The following PRKG1 variants were observed in gnomAD, a reference collection of about 807,000 sequenced individuals.
PRKG1 encodes the protein cGMP-dependent protein kinase 1.
A neutral mutation model predicts 88.1 loss-of-function variants in PRKG1; 35 were observed. That is an observed-to-expected ratio of 0.40 (90% CI 0.30 to 0.53). PRKG1 has a LOEUF of 0.53. Among genes scored for constraint, PRKG1 ranks in the 20% least tolerant of loss-of-function variants. PRKG1 has a pLI of 0.59. For missense variants in PRKG1, 540 were observed against 839.8 expected (o/e 0.64, Z 4.41); for synonymous variants, 303 against 292.5 (o/e 1.04, Z -0.37).
intron 4 of PRKG1, among the ~76,000 whole-genome samples, chr10:51,870,943 A>C (rs1387252357): frequency 2.6e-5 from 4 of 152,180 alleles, no homozygotes; most frequent in Admixed American, 2.6e-4. Context: ...TACACTCTTC[A>C]ACCACTTTAC....
At chr10:51,242,395 T>C (rs1839178212) in intron 2 of PRKG1, among the ~76,000 whole-genome samples, 1 of 152,156 alleles carries the variant, frequency 6.6e-6, no homozygotes. Flanking sequence ...AAATAAATAT[T>C]AGATTGGATA....
intron 3 of PRKG1, among the ~76,000 whole-genome samples, chr10:51,521,289 CA>C (rs1341069479): frequency 6.6e-6 from 1 of 151,164 alleles, no homozygotes; most frequent in South Asian, 2.1e-4. Flanking sequence ...GACTCTGTCT[CA>C]AAAAAACAAA....
At chr10:51,214,562 G>T (rs1219545895) in intron 2 of PRKG1, among the ~76,000 whole-genome samples, 1 of 151,984 alleles carries the variant, frequency 6.6e-6, no homozygotes, top group Non-Finnish European at 1.5e-5. Flanking sequence ...GCTCATTGAG[G>T]CCTCTCCTGC....
intron 4 of PRKG1, among the ~76,000 whole-genome samples, chr10:51,877,428 T>G (rs1589381112): frequency 6.6e-6 from 1 of 152,338 alleles, no homozygotes; most frequent in Middle Eastern, 3.4e-3. Flanking sequence ...AGAACTCTTA[T>G]TGCCTTGCTT....
At chr10:51,902,536 G>A (rs1433962493) in intron 4 of PRKG1, among the ~76,000 whole-genome samples, 1 of 151,956 alleles carries the variant, frequency 6.6e-6, no homozygotes, top group African/African-American at 2.4e-5. Flanking sequence ...GAAAAATAAG[G>A]TATCCAAATG....
At chr10:51,079,906 A>G (rs887582675) in intron 1 of PRKG1, among the ~76,000 whole-genome samples, 4 of 152,176 alleles carry the variant, frequency 2.6e-5, no homozygotes, top group Non-Finnish European at 4.4e-5. Flanking sequence ...CTCACTTCCA[A>G]ATGTTCTCAT....
chr10:51,152,625 C>A (rs1846102236), intron 1 of PRKG1, among the ~76,000 whole-genome samples: 1 of 151,830 alleles, frequency 6.6e-6, no homozygotes, highest in Admixed American at 6.6e-5. Flanking sequence ...AAATAAAGAA[C>A]AAATTTAAAA....
chr10:52,052,773 A>G (rs1232532837), intron 5 of PRKG1, among the ~76,000 whole-genome samples: 1 of 152,068 alleles, frequency 6.6e-6, no homozygotes, highest in Non-Finnish European at 1.5e-5. Flanking sequence ...ATTATCTCCC[A>G]CCAGGTCCCT....
intron 12 of PRKG1, among the ~76,000 whole-genome samples, chr10:52,274,105 G>C (rs189462675): frequency 1.1e-3 from 172 of 152,046 alleles, no homozygotes; most frequent in African/African-American, 3.9e-3. Flanking sequence ...GGAGAGCCCA[G>C]CTATCCCTCT....
At chr10:52,135,395 G>A (rs7894131) in intron 8 of PRKG1, among the ~76,000 whole-genome samples, 4,163 of 152,174 alleles carry the variant, frequency 0.027, 182 homozygotes, top group African/African-American at 0.094. Context: ...GATAAGGGCA[G>A]TTCAGACCAT....
chr10:51,957,401 C>T (rs770691052), intron 5 of PRKG1, among the ~76,000 whole-genome samples: 1 of 151,748 alleles, frequency 6.6e-6, no homozygotes, highest in Non-Finnish European at 1.5e-5. Flanking sequence ...AAGTGATCCT[C>T]CTGCCACCGC....
In PRKG1 at chr10:51,766,204, G is replaced by A. The variant is rs532928212; in HGVS notation, c.593-38381G>A. ...ACTGCAGAGAGGAGGCCCAAAAGAGGGTTGCTGTTTCACAGTTAAATACGA... is the reference window on the plus strand; with the variant it reads ...ACTGCAGAGAGGAGGCCCAAAAGAGAGTTGCTGTTTCACAGTTAAATACGA... On this transcript the variant is annotated intron_variant, in intron 3 of 17. Transcript: ENST00000373980. 2.7e-4 allele frequency among the ~76,000 whole-genome samples: 41 copies of A among 151,232 alleles called. No individual in the cohort carries two copies. In the South Asian group the frequency reaches 7.3e-3, roughly 27 times the overall value.
At chr10:51,150,038 G>T (rs1589195655) in intron 1 of PRKG1, among the ~76,000 whole-genome samples, 1 of 151,930 alleles carries the variant, frequency 6.6e-6, no homozygotes, top group East Asian at 1.9e-4. Flanking sequence ...GGGCATGAAA[G>T]AAAAAGATTT....
chr10:51,081,510 T>A (rs1844110660), intron 1 of PRKG1, among the ~76,000 whole-genome samples: 1 of 152,236 alleles, frequency 6.6e-6, no homozygotes, highest in Non-Finnish European at 1.5e-5. Context: ...TTGTTTTGAA[T>A]GCATTGTATT....
At chr10:52,255,034 GCC>G (rs2132406720) in intron 10 of PRKG1, among the ~76,000 whole-genome samples, 1 of 152,120 alleles carries the variant, frequency 6.6e-6, no homozygotes, top group East Asian at 1.9e-4. Context: ...CATATTTTCT[GCC>G]TATGTTCTTT....
chr10:51,643,114 C>A (rs1302563072), intron 3 of PRKG1, among the ~76,000 whole-genome samples: 2 of 140,086 alleles, frequency 1.4e-5, no homozygotes, highest in African/African-American at 5.1e-5. Context: ...TTTGTTCATG[C>A]TTGAGTTAAA....
chr10:52,271,607 T>G, intron 11 of PRKG1, 118 bp downstream of exon 11: 1 of 1,071,326 alleles, frequency 9.3e-7, no homozygotes, highest in Non-Finnish European at 1.3e-6. Flanking sequence ...AAACTTCTTT[T>G]TAATCTAATC....
chr10:51,953,884 C>G (rs974434384), intron 5 of PRKG1, among the ~76,000 whole-genome samples: 1 of 152,060 alleles, frequency 6.6e-6, no homozygotes, highest in Non-Finnish European at 1.5e-5. Context: ...CAATCAATAT[C>G]ACTGTGACTT....
At chr10:51,447,987 G>A (rs1839324166) in intron 2 of PRKG1, among the ~76,000 whole-genome samples, 1 of 151,932 alleles carries the variant, frequency 6.6e-6, no homozygotes, top group Admixed American at 6.6e-5. Context: ...TTATATCTTT[G>A]CATTGGTCAC....
Sources: allele counts gnomAD v4.1 joint callset (sites outside exome capture counted in the v4.1 genomes callset), GRCh38; gene constraint gnomAD v4.1.1; transcripts MANE v1.5; gene names NCBI Gene and HGNC (gene_info 2026-07-23, HGNC 2026-07-21).